The following FGF14 variants were observed in gnomAD, a reference collection of about 807,000 sequenced individuals.
FGF14 encodes the protein fibroblast growth factor homologous factor 4.
In FGF14, 5 loss-of-function variants were observed where a neutral mutation model predicts 25.5. The ratio of observed to expected loss-of-function variants is 0.20; its 90% CI spans 0.10 to 0.41. The LOEUF (loss-of-function observed/expected upper bound fraction) is 0.41, where lower values mean the gene tolerates loss of function less well. Ranked by LOEUF, FGF14 falls within the 10% of genes least tolerant of loss-of-function variation. The pLI, the probability that FGF14 is intolerant of heterozygous loss-of-function variation, is 1.00. For missense variants in FGF14, 222 were observed against 320.1 expected, an observed-to-expected ratio of 0.69 and a Z score of 2.34; for synonymous variants, 138 against 118.3, an observed-to-expected ratio of 1.17 and a Z score of -1.08.
intron 1 of FGF14, among the ~76,000 whole-genome samples, chr13:101,896,600 T>C (rs973149408): frequency 1.3e-5 from 2 of 152,148 alleles, no homozygotes; most frequent in Non-Finnish European, 1.5e-5. Context: ...GGAAAGGAAA[T>C]CCCTTCTTTC....
intron 3 of FGF14, among the ~76,000 whole-genome samples, chr13:101,760,117 A>G (rs1483490813): frequency 2.0e-5 from 3 of 152,198 alleles, no homozygotes; most frequent in African/African-American, 4.8e-5. Flanking sequence ...TTCATACAAC[A>G]TAGGGTAACA....
At chr13:101,994,480 T>C (rs1039408100) in intron 1 of FGF14, among the ~76,000 whole-genome samples, 3 of 152,002 alleles carry the variant, frequency 2.0e-5, no homozygotes, top group Non-Finnish European at 4.4e-5. Flanking sequence ...AATTTACAAA[T>C]AACAAGACTT....
rs570536077 is a variant in FGF14 at position 101,902,356 on chromosome 13, G to A, written c.193+14097C>T. ...TCTAAGGTTCTTTACAGTGTCCAGAGGTATTTAAATGAAAGAGGCTCATAC... is the reference window on the plus strand; with the variant it reads ...TCTAAGGTTCTTTACAGTGTCCAGAAGTATTTAAATGAAAGAGGCTCATAC... On this transcript the variant is annotated intron_variant, in intron 1 of 4. Coordinates refer to ENST00000376143, the MANE Select transcript of FGF14 (RefSeq NM_004115.4). Among the ~76,000 whole-genome samples the A allele has an allele frequency of 4.6e-5, 7 of 151,938 alleles. No individual in the cohort carries two copies. In the South Asian group the frequency reaches 1.5e-3, roughly 32 times the overall value.
chr13:102,181,186 A>T (rs1431104221), intron 1 of FGF14, among the ~76,000 whole-genome samples: 2 of 152,152 alleles, frequency 1.3e-5, no homozygotes, highest in Non-Finnish European at 2.9e-5. Context: ...ATTTTTTAAA[A>T]AAGTTTAAAA....
chr13:102,195,173 TATTAACAGC>T (rs1329455774), intron 1 of FGF14, among the ~76,000 whole-genome samples: 1 of 152,098 alleles, frequency 6.6e-6, no homozygotes, highest in Non-Finnish European at 1.5e-5. Context: ...CATGAAGAAA[TATTAACAGC>T]ACCAGTAGAC....
intron 1 of FGF14, among the ~76,000 whole-genome samples, chr13:102,100,603 T>A (rs1364454740): frequency 6.6e-6 from 1 of 152,166 alleles, no homozygotes; most frequent in African/African-American, 2.4e-5. Flanking sequence ...TGGGGATACT[T>A]TGTTGAGACT....
At chr13:102,215,758 C>T (rs1360983) in intron 1 of FGF14, among the ~76,000 whole-genome samples, 111,025 of 152,156 alleles carry the variant, frequency 0.73, 40,612 homozygotes, top group East Asian at 0.82. Flanking sequence ...CAAAAGTAGA[C>T]TGTGAGTTTT....
chr13:101,923,822 A>G lies in FGF14; in HGVS notation c.209-48526T>C, dbSNP rs115571050. ...TTTTGATTCAATAAAGGAAAAGTAG[A>G]AACTATTGATACTAAAAACTTGTGA... On this transcript the variant is annotated intron_variant, in intron 1 of 4. Transcript: ENST00000376131. 8.8e-3 allele frequency among the ~76,000 whole-genome samples: 1,345 copies of G among 152,224 alleles called. 15 individuals are homozygous for G. The highest frequency in any genetic ancestry group is 0.03 in the African/African-American group (1,256 of 41,562).
At chr13:102,211,394 C>T (rs1371611062) in intron 1 of FGF14, among the ~76,000 whole-genome samples, 1 of 152,164 alleles carries the variant, frequency 6.6e-6, no homozygotes, top group Non-Finnish European at 1.5e-5. Context: ...TGTAAATTTG[C>T]TTACTCCCCT....
intron 3 of FGF14, among the ~76,000 whole-genome samples, chr13:101,765,838 C>T (rs2038356572): frequency 6.6e-6 from 1 of 152,076 alleles, no homozygotes; most frequent in East Asian, 1.9e-4. Context: ...CAAGCTTCTC[C>T]TGCCCTCAGC....
intron 1 of FGF14, among the ~76,000 whole-genome samples, chr13:102,006,147 A>T (rs1394434737): frequency 6.6e-6 from 1 of 152,202 alleles, no homozygotes; most frequent in Non-Finnish European, 1.5e-5. Context: ...GAAGTTTAAA[A>T]TCTTATTGGG....
At chr13:102,154,772 A>G (rs1335204371) in intron 1 of FGF14, among the ~76,000 whole-genome samples, 2 of 152,176 alleles carry the variant, frequency 1.3e-5, no homozygotes, top group African/African-American at 4.8e-5. Flanking sequence ...CAGGAAATCC[A>G]TCTCACATGC....
chr13:101,784,639 T>C (rs1016969587), intron 3 of FGF14, among the ~76,000 whole-genome samples: 25 of 152,224 alleles, frequency 1.6e-4, no homozygotes, highest in Admixed American at 1.3e-4. Context: ...AATGGTAACA[T>C]ATAATGAATA....
At chr13:102,005,745 T>C (rs922712499) in intron 1 of FGF14, among the ~76,000 whole-genome samples, 1 of 152,176 alleles carries the variant, frequency 6.6e-6, no homozygotes, top group African/African-American at 2.4e-5. Flanking sequence ...ATGAAATAAA[T>C]GTCAATCTTT....
intron 1 of FGF14, among the ~76,000 whole-genome samples, chr13:102,314,931 A>T (rs1433605267): frequency 6.7e-6 from 1 of 149,136 alleles, no homozygotes. Flanking sequence ...ATAAATGTAC[A>T]AAATTATACA....
chr13:101,929,553 A>AT (rs942811709), intron 1 of FGF14, among the ~76,000 whole-genome samples: 20 of 151,982 alleles, frequency 1.3e-4, no homozygotes, highest in African/African-American at 4.3e-4. Flanking sequence ...ATGAAGAGCT[A>AT]TTTTCCACAT....
At chr13:101,790,080 A>T (rs969573981) in intron 3 of FGF14, among the ~76,000 whole-genome samples, 1 of 151,302 alleles carries the variant, frequency 6.6e-6, no homozygotes, top group African/African-American at 2.4e-5. Flanking sequence ...CAAATCTTAT[A>T]ATCATTTCAG....
At chr13:102,052,268 A>T (rs2042243572) in intron 1 of FGF14, among the ~76,000 whole-genome samples, 1 of 152,146 alleles carries the variant, frequency 6.6e-6, no homozygotes, top group Non-Finnish European at 1.5e-5. Context: ...CAACATCAAC[A>T]GAGCAAATGT....
chr13:102,086,328 G>T (rs972302686), intron 1 of FGF14, among the ~76,000 whole-genome samples: 3 of 152,148 alleles, frequency 2.0e-5, no homozygotes, highest in African/African-American at 7.2e-5. Context: ...AGACCATCCT[G>T]GCTAACCAGG....
Sources: gnomAD v4.1 joint callset for allele counts (sites outside exome capture counted in the v4.1 genomes callset) on GRCh38, gnomAD v4.1.1 for gene constraint, MANE v1.5 for transcripts, NCBI Gene and HGNC (gene_info 2026-07-23, HGNC 2026-07-21) for gene names.